The following RIMS1 variants were observed in gnomAD, a reference collection of about 807,000 sequenced individuals.
The protein encoded by RIMS1 is regulating synaptic membrane exocytosis 1.
Under a neutral mutation model 214.1 loss-of-function variants are expected in RIMS1, and 83 were observed. The ratio of observed to expected loss-of-function variants is 0.39; its 90% CI spans 0.32 to 0.47. RIMS1 has a LOEUF of 0.47. Ranked by LOEUF, RIMS1 falls within the 20% of genes least tolerant of loss-of-function variation. The probability of loss-of-function intolerance (pLI) is 0.99; values close to 1 mark genes in which losing one functional copy is unlikely to be tolerated. For synonymous variants in RIMS1, 793 were observed against 786.8 expected, an observed-to-expected ratio of 1.01 and a Z score of -0.13; for missense variants, 2,050 against 2,161.8, an observed-to-expected ratio of 0.95 and a Z score of 1.03.
chr6:72,242,042 T>G (rs1018996742), intron 9 of RIMS1, among the ~76,000 whole-genome samples: 2 of 152,104 alleles, frequency 1.3e-5, no homozygotes, highest in African/African-American at 4.8e-5. Flanking sequence ...TGATTTCTGG[T>G]ATATCTCAAA....
At chr6:72,341,704 G>A (rs570833519) in intron 29 of RIMS1, among the ~76,000 whole-genome samples, 54 of 151,810 alleles carry the variant, frequency 3.6e-4, no homozygotes, top group Admixed American at 1.7e-3. Context: ...TAAAATGCCC[G>A]AAATAATAAA....
At chr6:72,078,614 A>T (rs1241585916) in intron 2 of RIMS1, among the ~76,000 whole-genome samples, 3 of 152,138 alleles carry the variant, frequency 2.0e-5, no homozygotes, top group Non-Finnish European at 4.4e-5. Flanking sequence ...TCTTTAGTTC[A>T]CTACCTGTTT....
At chr6:71,988,935 A>G (rs1441074430) in intron 2 of RIMS1, among the ~76,000 whole-genome samples, 1 of 152,228 alleles carries the variant, frequency 6.6e-6, no homozygotes, top group Non-Finnish European at 1.5e-5. Context: ...ACTGATTCAG[A>G]TTATTAAACA....
intron 4 of RIMS1, among the ~76,000 whole-genome samples, chr6:72,121,092 C>A (rs931884901): frequency 6.6e-6 from 1 of 151,834 alleles, no homozygotes; most frequent in Non-Finnish European, 1.5e-5. Context: ...GGTGTGATGC[C>A]ACCAGCTTTG....
chr6:72,124,788 A>G (rs1011605853), intron 4 of RIMS1, among the ~76,000 whole-genome samples: 3 of 152,076 alleles, frequency 2.0e-5, no homozygotes, highest in East Asian at 1.9e-4. Flanking sequence ...AAGCTTGTGC[A>G]TATATCACAT....
Position 72,393,120 on chromosome 6 carries a change from G to C in RIMS1, c.4618+310G>C, listed in dbSNP as rs1055508643. 1.4e-5 allele frequency among the ~76,000 whole-genome samples: 2 copies of C among 147,100 alleles called. 1 individual carries two copies. The highest frequency in any genetic ancestry group is 1.4e-4 in the Admixed American group (2 of 14,790). On this transcript the variant is annotated intron_variant, in intron 31 of 33. Coordinates refer to ENST00000521978, the MANE Select transcript of RIMS1 (RefSeq NM_014989.7). ...AAAAAAGACTGTTCAGTAAAGTATAGTAACATAACTATTTACCTGTGTGAA... is the reference window on the plus strand; with the variant it reads ...AAAAAAGACTGTTCAGTAAAGTATACTAACATAACTATTTACCTGTGTGAA...
chr6:72,120,281 G>C (rs899284608), intron 4 of RIMS1, among the ~76,000 whole-genome samples: 1 of 151,818 alleles, frequency 6.6e-6, no homozygotes, highest in Non-Finnish European at 1.5e-5. Context: ...CAGTGTAAAA[G>C]TGTTCCTATT....
chr6:72,331,985 G>A (rs138627367), intron 28 of RIMS1, among the ~76,000 whole-genome samples: 52 of 151,796 alleles, frequency 3.4e-4, no homozygotes, highest in East Asian at 5.9e-4. Context: ...CCTCTTTTCC[G>A]TAGCTTATAA....
At chr6:72,290,931 T>C in intron 25 of RIMS1, 70 bp downstream of exon 25, 2 of 1,414,998 alleles carry the variant, frequency 1.4e-6, no homozygotes, top group East Asian at 2.3e-5. Flanking sequence ...TGTACCTTCC[T>C]GAGCACTTGA....
intron 29 of RIMS1, among the ~76,000 whole-genome samples, chr6:72,346,928 G>T (rs2097285112): frequency 6.6e-6 from 1 of 151,658 alleles, no homozygotes; most frequent in African/African-American, 2.4e-5. Context: ...ATTCCTTAAG[G>T]TCTGCTGTAG....
chr6:72,039,875 AT>A (rs1351151756), intron 2 of RIMS1, among the ~76,000 whole-genome samples: 1 of 152,112 alleles, frequency 6.6e-6, no homozygotes, highest in East Asian at 1.9e-4. Context: ...GGTATAATTA[AT>A]ATGGCATTCT....
At chr6:72,322,249 T>G (rs754206633) in intron 28 of RIMS1, among the ~76,000 whole-genome samples, 5 of 152,116 alleles carry the variant, frequency 3.3e-5, no homozygotes, top group Non-Finnish European at 7.4e-5. Flanking sequence ...ATTTTATACC[T>G]CATAGTAGCA....
intron 29 of RIMS1, among the ~76,000 whole-genome samples, chr6:72,352,794 A>G (rs1043472029): frequency 1.3e-5 from 2 of 152,116 alleles, no homozygotes; most frequent in East Asian, 1.9e-4. Flanking sequence ...TATTAATGAC[A>G]GTTAATCACA....
intron 26 of RIMS1, among the ~76,000 whole-genome samples, chr6:72,296,929 A>G (rs1031402392): frequency 3.9e-5 from 6 of 151,900 alleles, no homozygotes; most frequent in African/African-American, 1.4e-4. Flanking sequence ...TTTCCTCTAC[A>G]TGTTGGTGTA....
At chr6:71,987,096 A>G (rs1050264913) in intron 2 of RIMS1, among the ~76,000 whole-genome samples, 2 of 152,206 alleles carry the variant, frequency 1.3e-5, no homozygotes, top group Non-Finnish European at 2.9e-5. Context: ...TAGATTTTAT[A>G]TATGGTAGAG....
In RIMS1 at chr6:71,891,907, A is replaced by G. The variant is rs372104831; in HGVS notation, c.164+4720A>G. Among the ~76,000 whole-genome samples, 28 of 152,338 alleles carry G rather than the reference A, an allele frequency of 1.8e-4. No individual in the cohort carries two copies. In the East Asian group the frequency reaches 4.2e-3, roughly 23 times the overall value. On this transcript the variant is annotated intron_variant, in intron 1 of 33. Coordinates refer to ENST00000521978, the MANE Select transcript of RIMS1 (RefSeq NM_014989.7). ...GGAAAGATATCAAATATGAATTCCT[A>G]AAATCATATTATTATCCGCCCATAC...
chr6:72,105,084 C>T (rs1554226746), intron 4 of RIMS1, among the ~76,000 whole-genome samples: 3,903 of 152,016 alleles, frequency 0.026, 68 homozygotes, highest in Middle Eastern at 0.068. Context: ...GTGTGTCTGG[C>T]TAATTAAAAA....
At chr6:72,223,111 T>C (rs2059047319) in intron 6 of RIMS1, among the ~76,000 whole-genome samples, 1 of 152,228 alleles carries the variant, frequency 6.6e-6, no homozygotes. Flanking sequence ...TCTTGTATTA[T>C]TGTGGCTATA....
intron 22 of RIMS1, among the ~76,000 whole-genome samples, chr6:72,267,083 C>A (rs2080949577): frequency 6.6e-6 from 1 of 151,948 alleles, no homozygotes; most frequent in African/African-American, 2.4e-5. Flanking sequence ...ATTGTGTATT[C>A]TTTTACATTT....
Sources: gnomAD v4.1 joint callset for allele counts (sites outside exome capture counted in the v4.1 genomes callset) on GRCh38, gnomAD v4.1.1 for gene constraint, MANE v1.5 for transcripts, NCBI Gene and HGNC (gene_info 2026-07-23, HGNC 2026-07-21) for gene names.